DCC: variants seen among roughly 807,000 people sequenced by gnomAD.
DCC encodes the protein DCC netrin 1 receptor, also known as netrin receptor DCC.
Under a neutral mutation model 172.5 loss-of-function variants are expected in DCC, and 58 were observed. That is an observed-to-expected ratio of 0.34 (90% CI 0.27 to 0.42). DCC has a LOEUF of 0.42. Among genes scored for constraint, DCC ranks in the 10% least tolerant of loss-of-function variants. DCC has a pLI of 1.00. For synonymous variants in DCC, 709 were observed against 644.5 expected, an observed-to-expected ratio of 1.10 and a Z score of -1.52; for missense variants, 1,740 against 1,791.0, an observed-to-expected ratio of 0.97 and a Z score of 0.51.
intron 1 of DCC, among the ~76,000 whole-genome samples, chr18:52,362,788 C>G (rs574476007): frequency 3.3e-5 from 5 of 151,920 alleles, no homozygotes; most frequent in African/African-American, 1.2e-4. Flanking sequence ...TAGCCCCCCC[C>G]ACTCCCCTCC....
chr18:52,652,965 G>T (rs1367074214), intron 1 of DCC, among the ~76,000 whole-genome samples: 1 of 152,016 alleles, frequency 6.6e-6, no homozygotes, highest in African/African-American at 2.4e-5. Context: ...ATGATGCAGG[G>T]GAAAGGGTAT....
chr18:52,642,248 A>G (rs1182526391), intron 1 of DCC, among the ~76,000 whole-genome samples: 5 of 151,748 alleles, frequency 3.3e-5, no homozygotes, highest in African/African-American at 1.2e-4. Flanking sequence ...ATACGTTCTC[A>G]CTCATATGTG....
At chr18:53,293,468 G>GT (rs1327852979) in intron 12 of DCC, among the ~76,000 whole-genome samples, 6 of 152,064 alleles carry the variant, frequency 3.9e-5, no homozygotes, top group African/African-American at 1.2e-4. Context: ...GATTACTAGC[G>GT]TTTTTTAAAT....
At chr18:53,141,440 A>C (rs1279407264) in intron 7 of DCC, among the ~76,000 whole-genome samples, 1 of 152,206 alleles carries the variant, frequency 6.6e-6, no homozygotes, top group Non-Finnish European at 1.5e-5. Context: ...CCAGGAAGGC[A>C]AAAAAGTTGA....
intron 3 of DCC, among the ~76,000 whole-genome samples, chr18:52,909,010 C>A (rs1157617958): frequency 6.6e-6 from 1 of 152,078 alleles, no homozygotes; most frequent in African/African-American, 2.4e-5. Flanking sequence ...ATGCTTTTAA[C>A]ACATTCTCGA....
rs112293540 is a variant in DCC at position 52,640,364 on chromosome 18, A to G, written c.92-111690A>G. On this transcript the variant is annotated intron_variant, in intron 1 of 28. Transcript: ENST00000442544. ...AGTATTGGAATTCCTAGCCAGAACA[A>G]TCAGACAAGAGAAAGAAATGAAGGG... Among the ~76,000 whole-genome samples, 126 of 152,278 alleles carry G rather than the reference A, an allele frequency of 8.3e-4. 1 individual carries two copies. The highest frequency in any genetic ancestry group is 2.9e-3 in the African/African-American group (121 of 41,562).
intron 1 of DCC, among the ~76,000 whole-genome samples, chr18:52,358,567 C>T (rs972568343): frequency 2.6e-5 from 4 of 152,224 alleles, no homozygotes; most frequent in Non-Finnish European, 4.4e-5. Flanking sequence ...AGGCAGTGAG[C>T]ACTAGCACGA....
At chr18:53,185,393 G>A (rs12326341) in intron 9 of DCC, among the ~76,000 whole-genome samples, 4,170 of 152,140 alleles carry the variant, frequency 0.027, 61 homozygotes, top group Admixed American at 0.046. Context: ...TTTATTTTGT[G>A]CTAAGTTCTA....
intron 1 of DCC, among the ~76,000 whole-genome samples, chr18:52,751,230 G>C (rs2036989441): frequency 6.6e-6 from 1 of 152,206 alleles, no homozygotes; most frequent in Non-Finnish European, 1.5e-5. Context: ...CTGAAACCTT[G>C]TCAAGGTCTT....
At chr18:52,799,608 A>G (rs1172526385) in intron 2 of DCC, among the ~76,000 whole-genome samples, 2 of 152,136 alleles carry the variant, frequency 1.3e-5, no homozygotes, top group African/African-American at 4.8e-5. Flanking sequence ...AGTTAATTCC[A>G]CTTTCCAAAT....
At chr18:53,165,596 T>C (rs2054905210) in intron 8 of DCC, among the ~76,000 whole-genome samples, 5 of 152,192 alleles carry the variant, frequency 3.3e-5, no homozygotes, top group East Asian at 1.9e-4. Context: ...TATAAAATCA[T>C]GGCCCTGTAC....
chr18:52,372,963 T>G (rs1985187628), intron 1 of DCC, among the ~76,000 whole-genome samples: 1 of 152,318 alleles, frequency 6.6e-6, no homozygotes, highest in Middle Eastern at 3.4e-3. Flanking sequence ...CACCATTATC[T>G]TGTTAGGGAT....
At chr18:52,716,172 A>G (rs2036379663) in intron 1 of DCC, among the ~76,000 whole-genome samples, 1 of 152,186 alleles carries the variant, frequency 6.6e-6, no homozygotes, top group Non-Finnish European at 1.5e-5. Context: ...CCATACCCGC[A>G]GGCTATGTCT....
chr18:52,793,726 T>G (rs1598808671), intron 2 of DCC, among the ~76,000 whole-genome samples: 1 of 152,312 alleles, frequency 6.6e-6, no homozygotes, highest in Middle Eastern at 3.4e-3. Context: ...ACCAATTTCC[T>G]GAAGCATTTC....
rs185417541 is a variant in DCC, at chr18:52,842,134, C to A, written c.413-63910C>A. On this transcript the variant is annotated intron_variant, in intron 2 of 28. Coordinates refer to ENST00000442544, the MANE Select transcript of DCC (RefSeq NM_005215.4). ...ACTTATCATTGAATGTGTACAGTAA[C>A]TGTTAATGCCTTAAATACCATTGCT... 9.9e-5 allele frequency among the ~76,000 whole-genome samples: 15 copies of A among 152,134 alleles called. No individual in the cohort carries two copies. In the East Asian group the frequency reaches 2.5e-3, roughly 25 times the overall value.
rs147240476 is a variant in DCC, at chr18:53,204,321, C to T, written c.1574-895C>T. Among the ~76,000 whole-genome samples the T allele has an allele frequency of 5.6e-3, 856 of 152,212 alleles. 6 individuals carry two copies. Among genetic ancestry groups the T allele is most frequent in the Admixed American group, 0.023 (352 of 15,276 alleles). On this transcript the variant is annotated intron_variant, in intron 9 of 28. Coordinates refer to ENST00000442544, the MANE Select transcript of DCC (RefSeq NM_005215.4). ...CTTCGGGATGCCAAGGCAGGAGGATCGCTTGCCAGGAGTTCAAGACTGTCC... is the reference window on the plus strand; with the variant it reads ...CTTCGGGATGCCAAGGCAGGAGGATTGCTTGCCAGGAGTTCAAGACTGTCC...
intron 1 of DCC, among the ~76,000 whole-genome samples, chr18:52,395,433 G>C (rs1348467165): frequency 6.6e-6 from 1 of 151,962 alleles, no homozygotes; most frequent in East Asian, 1.9e-4. Context: ...TGGGCTGTGG[G>C]CTTTTGCAGC....
intron 2 of DCC, among the ~76,000 whole-genome samples, chr18:52,882,907 G>C (rs115177222): frequency 6.6e-6 from 1 of 152,026 alleles, no homozygotes; most frequent in Non-Finnish European, 1.5e-5. Flanking sequence ...AGCGCTAACA[G>C]TATTTGCTTT....
At chr18:52,671,385 T>A (rs2035550131) in intron 1 of DCC, among the ~76,000 whole-genome samples, 1 of 152,180 alleles carries the variant, frequency 6.6e-6, no homozygotes. Context: ...TTGCTGGCTC[T>A]TTTTAATGTT....
Sources: gnomAD v4.1 joint callset for allele counts (sites outside exome capture counted in the v4.1 genomes callset) on GRCh38, gnomAD v4.1.1 for gene constraint, MANE v1.5 for transcripts, NCBI Gene and HGNC (gene_info 2026-07-23, HGNC 2026-07-21) for gene names.